KHDRBS2: variants seen among roughly 807,000 people sequenced by gnomAD.
KHDRBS2 encodes KH RNA binding domain containing, signal transduction associated 2.
KHDRBS2 carries 26 observed loss-of-function variants against 44.3 expected under a neutral mutation model. The ratio of observed to expected loss-of-function variants is 0.59; its 90% CI spans 0.43 to 0.81. KHDRBS2 has a LOEUF of 0.81. KHDRBS2 is among the 40% of genes least tolerant of loss of function. The probability of loss-of-function intolerance (pLI) is 0.00; values close to 1 mark genes in which losing one functional copy is unlikely to be tolerated. For synonymous variants in KHDRBS2, 194 were observed against 151.1 expected, an observed-to-expected ratio of 1.28 and a Z score of -2.08; for missense variants, 476 against 433.1, an observed-to-expected ratio of 1.10 and a Z score of -0.88.
At chr6:62,140,853 C>T (rs775519023) in intron 2 of KHDRBS2, among the ~76,000 whole-genome samples, 26 of 152,178 alleles carry the variant, frequency 1.7e-4, no homozygotes, top group Non-Finnish European at 3.2e-4. Context: ...TATAAGCTTT[C>T]AAAAAGGAGA....
intron 4 of KHDRBS2, among the ~76,000 whole-genome samples, chr6:61,964,205 G>A (rs1192454): frequency 0.66 from 99,230 of 151,318 alleles, 32,671 homozygotes; most frequent in African/African-American, 0.73. Context: ...CTACAGAGGA[G>A]TAATGCTGCT....
downstream of KHDRBS2, among the ~76,000 whole-genome samples, chr6:61,678,205 TC>T (rs1324140117): frequency 6.6e-6 from 1 of 151,918 alleles, no homozygotes; most frequent in Non-Finnish European, 1.5e-5. Context: ...TCACACTAAG[TC>T]ATTTCAGTTC....
chr6:61,730,445 C>T (rs1032303682), intron 7 of KHDRBS2, among the ~76,000 whole-genome samples: 1 of 151,858 alleles, frequency 6.6e-6, no homozygotes, highest in African/African-American at 2.4e-5. Context: ...AGACTTTGTA[C>T]CTAGTATTGT....
At chr6:61,779,486 A>C (rs536182672) in intron 6 of KHDRBS2, among the ~76,000 whole-genome samples, 2 of 152,306 alleles carry the variant, frequency 1.3e-5, no homozygotes, top group Admixed American at 1.3e-4. Context: ...AGAAGAAAAA[A>C]GTATGGTAAC....
intron 6 of KHDRBS2, among the ~76,000 whole-genome samples, chr6:61,759,350 T>G (rs562435218): frequency 6.6e-6 from 1 of 152,206 alleles, no homozygotes. Flanking sequence ...CTTTATGTGC[T>G]TCTTAAAAAC....
intron 6 of KHDRBS2, among the ~76,000 whole-genome samples, chr6:61,864,638 G>A (rs961251275): frequency 1.3e-5 from 2 of 152,148 alleles, no homozygotes; most frequent in African/African-American, 4.8e-5. Flanking sequence ...TCTGCTGTTA[G>A]TCTGATAAGC....
chr6:62,098,945 G>C (rs1262297613), intron 2 of KHDRBS2, among the ~76,000 whole-genome samples: 1 of 151,428 alleles, frequency 6.6e-6, no homozygotes, highest in Admixed American at 6.6e-5. Flanking sequence ...TTTTTATTTA[G>C]TTCATTGTGT....
chr6:61,624,313 C>A, the KHDRBS2 span, among the ~76,000 whole-genome samples: 1 of 152,160 alleles, frequency 6.6e-6, no homozygotes, highest in Non-Finnish European at 1.5e-5. Flanking sequence ...GCCACTTAAC[C>A]AAGGCTTATC....
At chr6:61,938,536 T>A (rs1811479501) in intron 4 of KHDRBS2, among the ~76,000 whole-genome samples, 1 of 152,116 alleles carries the variant, frequency 6.6e-6, no homozygotes, top group Admixed American at 6.5e-5. Context: ...TATGTAAGAA[T>A]GTTATAGGGT....
the KHDRBS2 span, among the ~76,000 whole-genome samples, chr6:61,646,761 T>G: frequency 6.6e-6 from 1 of 152,266 alleles, no homozygotes; most frequent in East Asian, 1.9e-4. Context: ...AGCTCTTTTG[T>G]GTCTGACTTT....
the KHDRBS2 span, among the ~76,000 whole-genome samples, chr6:61,640,349 C>A: frequency 6.6e-6 from 1 of 152,046 alleles, no homozygotes; most frequent in Non-Finnish European, 1.5e-5. Context: ...GTAGAATAAT[C>A]TTTCAGTCAT....
intron 1 of KHDRBS2, among the ~76,000 whole-genome samples, chr6:62,283,601 C>A (rs1842090516): frequency 6.6e-6 from 1 of 152,098 alleles, no homozygotes; most frequent in Admixed American, 6.5e-5. Flanking sequence ...TTATTTACAG[C>A]CACTCCCTTC....
chr6:61,920,585 T>A (rs1334687161), intron 4 of KHDRBS2, among the ~76,000 whole-genome samples: 1 of 151,998 alleles, frequency 6.6e-6, no homozygotes, highest in Non-Finnish European at 1.5e-5. Context: ...TTGTAGAGAA[T>A]CTTTGGACTA....
intron 1 of KHDRBS2, among the ~76,000 whole-genome samples, chr6:62,271,703 G>A (rs761103802): frequency 4.6e-5 from 7 of 151,462 alleles, no homozygotes; most frequent in Non-Finnish European, 1.0e-4. Context: ...GTGTGTAGCT[G>A]GGTCTTATTT....
At chr6:62,210,115 A>C (rs1279777751) in intron 1 of KHDRBS2, among the ~76,000 whole-genome samples, 1 of 152,086 alleles carries the variant, frequency 6.6e-6, no homozygotes, top group Non-Finnish European at 1.5e-5. Flanking sequence ...AGTAAGAAAA[A>C]TTGAAAATAT....
At chr6:62,043,562 A>G (rs1787016618) in intron 3 of KHDRBS2, among the ~76,000 whole-genome samples, 1 of 152,040 alleles carries the variant, frequency 6.6e-6, no homozygotes, top group African/African-American at 2.4e-5. Context: ...GATCTGACCA[A>G]TACGAGAAAG....
chr6:62,102,910 G>T (rs1461996420), intron 2 of KHDRBS2, among the ~76,000 whole-genome samples: 3 of 152,150 alleles, frequency 2.0e-5, no homozygotes, highest in Admixed American at 6.5e-5. Context: ...AGGTTACATG[G>T]ACAACTGGAG....
At chr6:61,921,447 A>G (rs1283458169) in intron 4 of KHDRBS2, among the ~76,000 whole-genome samples, 1 of 152,028 alleles carries the variant, frequency 6.6e-6, no homozygotes, top group Non-Finnish European at 1.5e-5. Flanking sequence ...TTAGCAAATT[A>G]TATTGGACTC....
At chr6:61,972,280 T>G (rs573074515) in intron 4 of KHDRBS2, among the ~76,000 whole-genome samples, 2 of 152,206 alleles carry the variant, frequency 1.3e-5, no homozygotes, top group Non-Finnish European at 2.9e-5. Context: ...TATTATTCTA[T>G]TCTAAGAACT....
Sources: allele counts gnomAD v4.1 joint callset (sites outside exome capture counted in the v4.1 genomes callset), GRCh38; gene constraint gnomAD v4.1.1; transcripts MANE v1.5; gene names NCBI Gene and HGNC (gene_info 2026-07-23, HGNC 2026-07-21).